The following ATP8A2 variants were observed in gnomAD, a reference collection of about 807,000 sequenced individuals.
ATP8A2 encodes ATPase phospholipid transporting 8A2, also known as phospholipid-transporting ATPase IB.
Under a neutral mutation model 165.6 loss-of-function variants are expected in ATP8A2, and 100 were observed. The observed-to-expected ratio is 0.60, with a 90% CI of 0.51 to 0.71. The LOEUF (loss-of-function observed/expected upper bound fraction) is 0.71. Among genes scored for constraint, ATP8A2 ranks in the 30% least tolerant of loss-of-function variants. The pLI, the probability that ATP8A2 is intolerant of heterozygous loss-of-function variation, is 0.00. For missense variants in ATP8A2, 1,227 were observed against 1,479.5 expected, an observed-to-expected ratio of 0.83 and a Z score of 2.80; for synonymous variants, 543 against 548.8, an observed-to-expected ratio of 0.99 and a Z score of 0.15.
intron 33 of ATP8A2, among the ~76,000 whole-genome samples, chr13:25,886,679 T>G (rs1420976014): frequency 6.6e-6 from 1 of 152,212 alleles, no homozygotes; most frequent in Non-Finnish European, 1.5e-5. Flanking sequence ...CTCTTCCAAG[T>G]GGCAGCCCAG....
chr13:25,478,855 C>CTT (rs5802337), intron 2 of ATP8A2, among the ~76,000 whole-genome samples: 2,131 of 149,206 alleles, frequency 0.014, 19 homozygotes, highest in Middle Eastern at 0.065. Context: ...ATTTGTAACA[C>CTT]TTTTTTTTTT....
chr13:25,481,439 A>G (rs2036198035), intron 2 of ATP8A2, among the ~76,000 whole-genome samples: 1 of 152,186 alleles, frequency 6.6e-6, no homozygotes, highest in Non-Finnish European at 1.5e-5. Flanking sequence ...CTCCATCCTG[A>G]GCCAGGAATG....
chr13:26,021,679 G>A lies in ATP8A2; in HGVS notation c.*1694G>A, dbSNP rs2057572. 33,650 of 152,004 alleles carry A rather than the reference G, an allele frequency of 0.22. 4,295 individuals carry two copies. The highest frequency in any genetic ancestry group is 0.3 in the Non-Finnish European group (20,151 of 67,976). 9.4% of individuals were successfully genotyped at this position (152,004 alleles called of 1,614,324 possible). A position where few individuals can be genotyped will look rare whatever the true frequency, so the allele number is the denominator to read the frequency against. ...TTTTTGGATGGCCTAAATACTTGTGGGCAACTGTTACTGGTGAAAAATGGG... is the reference window on the plus strand; with the variant it reads ...TTTTTGGATGGCCTAAATACTTGTGAGCAACTGTTACTGGTGAAAAATGGG... On this transcript the variant is annotated 3_prime_UTR_variant, in exon 37 of 37. Transcript: ENST00000381655.
intron 31 of ATP8A2, 111 bp from the exon 32 acceptor site, chr13:25,860,693 G>A (rs925249674): frequency 2.8e-5 from 22 of 795,490 alleles, no homozygotes; most frequent in South Asian, 1.4e-4. Flanking sequence ...CTTTCAAACC[G>A]GAGCTGCCTT....
rs554676193 is a variant in ATP8A2, at chr13:25,784,765, C to CT, written c.2679+9815dup. The stretch of plus-strand genomic sequence containing the variant: ...CCTTCAAGTACTAGAAGATACATTT[C>CT]TTTTTTTTTCTTTTGTTTGAGAAGG... On this transcript the variant is annotated intron_variant, in intron 27 of 36. Coordinates refer to ENST00000381655, the MANE Select transcript of ATP8A2 (RefSeq NM_016529.6). 1.3e-3 allele frequency among the ~76,000 whole-genome samples: 199 copies of CT among 151,412 alleles called. 1 individual carries two copies. The highest frequency in any genetic ancestry group is 4.5e-3 in the African/African-American group (188 of 41,322).
rs1284450232 is a variant in ATP8A2, at chr13:25,921,177, G to A, written c.3184-40398G>A. 2.0e-5 allele frequency among the ~76,000 whole-genome samples: 3 copies of A among 152,174 alleles called. No homozygotes were observed. In the East Asian group the frequency reaches 5.8e-4, roughly 29 times the overall value. On this transcript the variant is annotated intron_variant, in intron 33 of 36. Transcript: ENST00000381655. ...CTCTTTTCCTCACTCCCATTGCGTTGTAAAAGCAATGACTCAGGAATGAGA... is the reference window on the plus strand; with the variant it reads ...CTCTTTTCCTCACTCCCATTGCGTTATAAAAGCAATGACTCAGGAATGAGA...
intron 2 of ATP8A2, among the ~76,000 whole-genome samples, chr13:25,489,284 T>C (rs1306743383): frequency 6.6e-6 from 1 of 152,174 alleles, no homozygotes; most frequent in East Asian, 1.9e-4. Flanking sequence ...TGTGTCTGGC[T>C]GCAGCCTTTA....
At position 25,750,586 on chromosome 13, in the gene ATP8A2, C is replaced by T. The variant is rs1426660560; in HGVS notation, c.2385-18460C>T. ...CGTAGATACTTTCAGTTCAGCAGGG[C>T]CCTTCGCCCCACCACGTGATGGGAT... is the stretch of plus-strand genomic sequence containing the variant. On this transcript the variant is annotated intron_variant, in intron 25 of 36. Coordinates refer to ENST00000381655, the MANE Select transcript of ATP8A2 (RefSeq NM_016529.6). This position sits in a 1 kb window ranked among gnomAD's most constrained non-coding sequence, Gnocchi z 4.3. 6.6e-6 allele frequency among the ~76,000 whole-genome samples: 1 copy of T among 152,120 alleles called. No homozygotes were observed. Among genetic ancestry groups the T allele is most frequent in the African/African-American group, 2.4e-5 (1 of 41,420 alleles).
intron 25 of ATP8A2, among the ~76,000 whole-genome samples, chr13:25,729,951 G>C (rs1417471958): frequency 1.3e-5 from 2 of 152,274 alleles, no homozygotes; most frequent in African/African-American, 2.4e-5. Context: ...AGGGAATGTA[G>C]TATACTGCAC....
intron 13 of ATP8A2, among the ~76,000 whole-genome samples, chr13:25,555,820 T>C (rs1048939889): frequency 1.4e-4 from 22 of 152,102 alleles, no homozygotes; most frequent in African/African-American, 5.3e-4. Flanking sequence ...CCCATATTTA[T>C]GTCCTTGAGT....
At chr13:25,981,857 AATATT>A (rs1192075017) in intron 35 of ATP8A2, among the ~76,000 whole-genome samples, 64 of 152,288 alleles carry the variant, frequency 4.2e-4, no homozygotes, top group African/African-American at 1.4e-3. Flanking sequence ...TTAATTATTT[AATATT>A]ATACATTTAG....
intron 4 of ATP8A2, among the ~76,000 whole-genome samples, chr13:25,531,125 T>TTG (rs1265242397): frequency 1.9e-4 from 26 of 139,712 alleles, no homozygotes; most frequent in African/African-American, 6.0e-4. Context: ...CCCTATATAT[T>TTG]TGTGTGTGTG....
intron 33 of ATP8A2, among the ~76,000 whole-genome samples, chr13:25,956,158 A>G (rs577889368): frequency 6.6e-6 from 1 of 152,356 alleles, no homozygotes; most frequent in South Asian, 2.1e-4. Flanking sequence ...CCCACAGCCA[A>G]TATCATACTG....
At chr13:25,872,202 A>G (rs936376695) in intron 33 of ATP8A2, among the ~76,000 whole-genome samples, 7 of 152,144 alleles carry the variant, frequency 4.6e-5, no homozygotes, top group Admixed American at 3.3e-4. Flanking sequence ...ATGGTGCCCC[A>G]GGCTGGAGTA....
At chr13:25,484,995 A>G (rs2036308214) in intron 2 of ATP8A2, among the ~76,000 whole-genome samples, 1 of 152,212 alleles carries the variant, frequency 6.6e-6, no homozygotes, top group Non-Finnish European at 1.5e-5. Flanking sequence ...TAGTATCACA[A>G]TTATTTCTCT....
At chr13:25,866,786 A>G (rs999916583) in intron 33 of ATP8A2, among the ~76,000 whole-genome samples, 7 of 152,212 alleles carry the variant, frequency 4.6e-5, no homozygotes, top group Non-Finnish European at 8.8e-5. Context: ...TAAAACACCT[A>G]AAATATGACT....
At chr13:25,602,771 C>T (rs1285529969) in intron 24 of ATP8A2, among the ~76,000 whole-genome samples, 1 of 152,116 alleles carries the variant, frequency 6.6e-6, no homozygotes, top group East Asian at 1.9e-4. Flanking sequence ...ATCTGATTTA[C>T]CTTTTAAAAG....
chr13:25,674,926 GCTA>G (rs1459384363), intron 24 of ATP8A2, among the ~76,000 whole-genome samples: 2 of 152,190 alleles, frequency 1.3e-5, no homozygotes, highest in East Asian at 1.9e-4. Context: ...TGCTGGTCGT[GCTA>G]CTGAGTAGTT....
intron 2 of ATP8A2, among the ~76,000 whole-genome samples, chr13:25,500,823 T>G (rs1341855689): frequency 6.6e-6 from 1 of 152,200 alleles, no homozygotes; most frequent in Admixed American, 6.5e-5. Context: ...GTGATCCACC[T>G]GCCCTAGCCT....
Sources: allele counts gnomAD v4.1 joint callset (sites outside exome capture counted in the v4.1 genomes callset), GRCh38; gene constraint gnomAD v4.1.1; non-coding constraint Gnocchi (gnomAD v3.1); transcripts MANE v1.5; gene names NCBI Gene and HGNC (gene_info 2026-07-23, HGNC 2026-07-21).